Variants in SH3BGRL2 observed in about 807,000 individuals in gnomAD.
SH3BGRL2 encodes the protein SH3 domain binding glutamate rich protein like 2, also known as SH3 domain-binding glutamic acid-rich-like protein 2.
SH3BGRL2 carries 21 observed loss-of-function variants against 14.8 expected under a neutral mutation model. The observed-to-expected ratio is 1.42, with a 90% CI of 1.01 to 2.05. The LOEUF is 2.05. SH3BGRL2 is among the 30% of genes most tolerant of loss of function. The probability of loss-of-function intolerance (pLI) is 0.00; values close to 1 mark genes in which losing one functional copy is unlikely to be tolerated. For synonymous variants in SH3BGRL2, 50 were observed against 47.8 expected (o/e 1.05, Z -0.19); for missense variants, 147 against 130.8 (o/e 1.12, Z -0.61).
chr6:79,543,700 G>A, the SH3BGRL2 span, among the ~76,000 whole-genome samples: 4 of 152,150 alleles, frequency 2.6e-5, no homozygotes, highest in African/African-American at 9.7e-5. Flanking sequence ...CATAGGAACT[G>A]TCTCTCTGTT....
the SH3BGRL2 span, among the ~76,000 whole-genome samples, chr6:79,599,679 G>T: frequency 1.3e-5 from 2 of 152,158 alleles, no homozygotes; most frequent in African/African-American, 4.8e-5. Flanking sequence ...GTCAGCTGTG[G>T]AACGGATTCA....
At chr6:79,679,274 G>A (rs1769943625) in intron 2 of SH3BGRL2, among the ~76,000 whole-genome samples, 1 of 151,980 alleles carries the variant, frequency 6.6e-6, no homozygotes, top group Admixed American at 6.6e-5. Context: ...GCCAGCTTCT[G>A]TTGTTTTTTG....
the SH3BGRL2 span, among the ~76,000 whole-genome samples, chr6:79,588,516 G>A: frequency 6.6e-6 from 1 of 152,082 alleles, no homozygotes; most frequent in Admixed American, 6.6e-5. Context: ...GAAGCGGGAA[G>A]GTCAGAGAGC....
chr6:79,635,685 G>A (rs1768908665), intron 1 of SH3BGRL2, among the ~76,000 whole-genome samples: 2 of 152,192 alleles, frequency 1.3e-5, no homozygotes, highest in Admixed American at 6.5e-5. Context: ...TATATCCCTG[G>A]ATGTTGGAGA....
chr6:79,671,892 T>C (rs17584185), intron 1 of SH3BGRL2, among the ~76,000 whole-genome samples: 18,173 of 152,302 alleles, frequency 0.12, 1,239 homozygotes, highest in Non-Finnish European at 0.15. Flanking sequence ...GCTAGTATCA[T>C]AAACATCCAC....
the SH3BGRL2 span, among the ~76,000 whole-genome samples, chr6:79,541,580 A>C: frequency 6.6e-6 from 1 of 152,242 alleles, no homozygotes; most frequent in Admixed American, 6.5e-5. Context: ...GAAAAAGAAT[A>C]TCTCTTTCCT....
intron 2 of SH3BGRL2, among the ~76,000 whole-genome samples, chr6:79,686,887 G>A (rs553672561): frequency 6.6e-6 from 1 of 152,148 alleles, no homozygotes; most frequent in South Asian, 2.1e-4. Flanking sequence ...CCGTGAAAGA[G>A]CCACACCCAG....
intron 1 of SH3BGRL2, among the ~76,000 whole-genome samples, chr6:79,667,058 G>T (rs1769675149): frequency 6.6e-6 from 1 of 152,158 alleles, no homozygotes; most frequent in South Asian, 2.1e-4. Flanking sequence ...AGATAATTGG[G>T]TTCTATTAAA....
At chr6:79,648,729 C>G (rs1174928377) in intron 1 of SH3BGRL2, among the ~76,000 whole-genome samples, 1 of 152,046 alleles carries the variant, frequency 6.6e-6, no homozygotes, top group African/African-American at 2.4e-5. Context: ...GCAAAAGAAA[C>G]ACTGTTTCTG....
chr6:79,590,424 G>GATTGATAT, the SH3BGRL2 span, among the ~76,000 whole-genome samples: 163 of 66,682 alleles, frequency 2.4e-3, 4 homozygotes, highest in African/African-American at 0.011. Flanking sequence ...AAGAAAATGT[G>GATTGATAT]ATATATATAT....
intron 1 of SH3BGRL2, among the ~76,000 whole-genome samples, chr6:79,653,064 C>T (rs1330945650): frequency 6.6e-6 from 1 of 152,084 alleles, no homozygotes; most frequent in Non-Finnish European, 1.5e-5. Context: ...AGGCTATGAA[C>T]ATCACAGATG....
chr6:79,562,967 G>T, the SH3BGRL2 span, among the ~76,000 whole-genome samples: 1 of 152,028 alleles, frequency 6.6e-6, no homozygotes. Context: ...TTGTTTGCTT[G>T]TTTTTTGAGA....
upstream of SH3BGRL2, among the ~76,000 whole-genome samples, chr6:79,628,828 C>T (rs115766470): frequency 1.1e-3 from 161 of 152,270 alleles, 1 homozygote; most frequent in African/African-American, 3.3e-3. Context: ...GGACACAGAG[C>T]GCTTATGAAT....
intron 1 of SH3BGRL2, among the ~76,000 whole-genome samples, chr6:79,645,664 A>G (rs994287718): frequency 1.3e-5 from 2 of 152,236 alleles, no homozygotes; most frequent in African/African-American, 4.8e-5. Flanking sequence ...GGCTATATAT[A>G]TGTTTCAAGA....
chr6:79,592,285 T>C, the SH3BGRL2 span, among the ~76,000 whole-genome samples: 2 of 152,220 alleles, frequency 1.3e-5, no homozygotes, highest in Admixed American at 6.5e-5. Flanking sequence ...TAAACCTTTA[T>C]TGAGGACCTT....
chr6:79,550,411 T>A, the SH3BGRL2 span, among the ~76,000 whole-genome samples: 1 of 152,176 alleles, frequency 6.6e-6, no homozygotes, highest in African/African-American at 2.4e-5. Context: ...GATTTTTCCC[T>A]AAGGTAATCC....
chr6:79,648,608 A>G lies in SH3BGRL2; in HGVS notation c.45+17102A>G, dbSNP rs576822166. The stretch of plus-strand genomic sequence containing the variant: ...TCTTCTCCTGGCCTCAATGCAGTCA[A>G]GGTTCTTTGAGTTCTTAGTTCTTCA... On this transcript the variant is annotated intron_variant, in intron 1 of 3. Coordinates refer to ENST00000369838, the MANE Select transcript of SH3BGRL2 (RefSeq NM_031469.4). Among the ~76,000 whole-genome samples, 4 of 151,808 alleles carry G rather than the reference A, an allele frequency of 2.6e-5. No homozygotes were observed. The South Asian group carries it at 8.3e-4, about 32-fold the overall frequency.
upstream of SH3BGRL2, chr6:79,631,308 C>A: frequency 3.4e-6 from 2 of 593,746 alleles, no homozygotes; most frequent in Non-Finnish European, 5.2e-6. Context: ...CTTTTATCTG[C>A]GGACCCGCCG....
chr6:79,555,196 T>A, the SH3BGRL2 span, among the ~76,000 whole-genome samples: 2 of 152,146 alleles, frequency 1.3e-5, no homozygotes, highest in African/African-American at 4.8e-5. Context: ...ACACCTGTAG[T>A]CCCAGAACTT....
Sources: gnomAD v4.1 joint callset for allele counts (sites outside exome capture counted in the v4.1 genomes callset) on GRCh38, gnomAD v4.1.1 for gene constraint, MANE v1.5 for transcripts, NCBI Gene and HGNC (gene_info 2026-07-23, HGNC 2026-07-21) for gene names.